The following CLVS1 variants were observed in gnomAD, a reference collection of about 807,000 sequenced individuals.
CLVS1 encodes the protein clavesin 1, also known as clavesin-1.
CLVS1 carries 10 observed loss-of-function variants against 33.1 expected under a neutral mutation model. That is an observed-to-expected ratio of 0.30 (90% CI 0.19 to 0.51). The LOEUF (loss-of-function observed/expected upper bound fraction) is 0.51, where lower values mean the gene tolerates loss of function less well. Ranked by LOEUF, CLVS1 falls within the 20% of genes least tolerant of loss-of-function variation. The pLI, the probability that CLVS1 is intolerant of heterozygous loss-of-function variation, is 0.97. For synonymous variants in CLVS1, 163 were observed against 166.1 expected (o/e 0.98, Z 0.14); for missense variants, 343 against 433.4 (o/e 0.79, Z 1.85).
At chr8:61,067,238 T>C (rs1165996917) in intron 1 of CLVS1, among the ~76,000 whole-genome samples, 1 of 152,138 alleles carries the variant, frequency 6.6e-6, no homozygotes, top group African/African-American at 2.4e-5. Flanking sequence ...AGACTGTTAA[T>C]TCCATAATGG....
chr8:61,356,816 G>A lies in CLVS1; in HGVS notation c.456-19789G>A, dbSNP rs181897621. ...AGTACCATGCTGTTTTGTTACTGTAGCCTTGTAATATAGTTTGAAGTCAGG... is the reference window on the plus strand; with the variant it reads ...AGTACCATGCTGTTTTGTTACTGTAACCTTGTAATATAGTTTGAAGTCAGG... On this transcript the variant is annotated intron_variant, in intron 2 of 5. Transcript: ENST00000325897. 3.3e-5 allele frequency among the ~76,000 whole-genome samples: 5 copies of A among 152,304 alleles called. No individual in the cohort carries two copies. In the East Asian group the frequency reaches 7.7e-4, roughly 24 times the overall value.
At chr8:61,166,031 G>GTTTTTTTTTTTTTTTTTT (rs71245557) in intron 2 of CLVS1, among the ~76,000 whole-genome samples, 11 of 108,372 alleles carry the variant, frequency 1.0e-4, no homozygotes, top group Non-Finnish European at 1.4e-4. Flanking sequence ...GCATCTAAGC[G>GTTTTTTTTTTTTTTTTTT]TTTTTTTTTT....
chr8:61,128,148 T>C (rs181838042), intron 1 of CLVS1, among the ~76,000 whole-genome samples: 1 of 152,374 alleles, frequency 6.6e-6, no homozygotes, highest in East Asian at 1.9e-4. Flanking sequence ...GTTCTTTCTG[T>C]ATGTGACCAT....
At chr8:61,232,041 T>TTTGTTTTTTTTTTTG (rs1554548396) in intron 2 of CLVS1, among the ~76,000 whole-genome samples, 2 of 116,004 alleles carry the variant, frequency 1.7e-5, no homozygotes, top group East Asian at 2.7e-4. Context: ...TTTTTTTTTT[T>TTTGTTTTTTTTTTTG]TTTTTTTTTG....
At chr8:60,991,190 A>T in the CLVS1 span, among the ~76,000 whole-genome samples, 1 of 152,208 alleles carries the variant, frequency 6.6e-6, no homozygotes, top group Non-Finnish European at 1.5e-5. Context: ...AACATGCAAA[A>T]TAGTCAAGAG....
rs560067747 is a variant in CLVS1 at position 61,495,864 on chromosome 8, T to C, written c.978-3591T>C. On this transcript the variant is annotated intron_variant, in intron 5 of 5. Transcript: ENST00000325897. ...GCAACCCAGCTAGTTGATGAAGAGA[T>C]ACAGGATAGTGCTAAGGTGGCCAGT... Among the ~76,000 whole-genome samples, 7 of 152,306 alleles carry C rather than the reference T, an allele frequency of 4.6e-5. No individual in the cohort carries two copies. In the East Asian group the frequency reaches 5.8e-4, roughly 13 times the overall value.
intron 1 of CLVS1, among the ~76,000 whole-genome samples, chr8:61,120,119 C>T (rs1464530834): frequency 2.7e-5 from 4 of 147,770 alleles, no homozygotes; most frequent in African/African-American, 7.6e-5. Flanking sequence ...TCATTTCATT[C>T]ATTTCATCTT....
At chr8:61,107,229 C>G (rs930419721) in intron 1 of CLVS1, among the ~76,000 whole-genome samples, 1 of 152,222 alleles carries the variant, frequency 6.6e-6, no homozygotes, top group Non-Finnish European at 1.5e-5. Flanking sequence ...GAACTCATGT[C>G]TGAAATCTTC....
At chr8:61,065,436 G>C (rs545758492) in intron 1 of CLVS1, among the ~76,000 whole-genome samples, 1 of 152,180 alleles carries the variant, frequency 6.6e-6, no homozygotes, top group African/African-American at 2.4e-5. Context: ...GGATGTATTT[G>C]AGAGGGGCAC....
chr8:61,186,351 A>G (rs144776222), intron 2 of CLVS1, among the ~76,000 whole-genome samples: 1 of 152,314 alleles, frequency 6.6e-6, no homozygotes, highest in East Asian at 1.9e-4. Context: ...TAAAAATGTA[A>G]TGCAGTTGCA....
intron 2 of CLVS1, among the ~76,000 whole-genome samples, chr8:61,165,404 T>G (rs955949848): frequency 2.6e-5 from 4 of 152,224 alleles, no homozygotes; most frequent in African/African-American, 9.6e-5. Flanking sequence ...CCTTGCCAGC[T>G]CGAATGCCTG....
intron 1 of CLVS1, among the ~76,000 whole-genome samples, chr8:61,070,429 C>T (rs753667415): frequency 6.6e-6 from 1 of 152,188 alleles, no homozygotes; most frequent in Non-Finnish European, 1.5e-5. Flanking sequence ...CTAAGGGCAA[C>T]CAGCATTTTG....
intron 2 of CLVS1, among the ~76,000 whole-genome samples, chr8:61,233,890 C>T (rs556297336): frequency 6.6e-6 from 1 of 152,374 alleles, no homozygotes; most frequent in African/African-American, 2.4e-5. Flanking sequence ...GGAATGGGAA[C>T]CCAGCCTCTT....
chr8:61,202,803 T>G (rs1807762212), intron 2 of CLVS1: 2 of 1,384,360 alleles, frequency 1.4e-6, no homozygotes, highest in Admixed American at 1.7e-5. Context: ...GTAGCAAGCT[T>G]CCACAGAAAA....
chr8:61,325,786 G>A (rs536610471), intron 2 of CLVS1, among the ~76,000 whole-genome samples: 3 of 152,110 alleles, frequency 2.0e-5, no homozygotes, highest in Admixed American at 6.6e-5. Flanking sequence ...CTGACTATAT[G>A]AAAGAGTTTT....
chr8:61,196,187 T>C (rs71525442), intron 2 of CLVS1, among the ~76,000 whole-genome samples: 2 of 152,210 alleles, frequency 1.3e-5, no homozygotes, highest in Non-Finnish European at 1.5e-5. Context: ...TGTTAGACCC[T>C]GAGGATAGAG....
At position 61,501,005 on chromosome 8, in the gene CLVS1, C is replaced by CAGA. The variant is rs1415059853; in HGVS notation, c.*1466_*1468dup. The CAGA allele has an allele frequency of 6.6e-5, 10 of 152,138 alleles. No individual in the cohort carries two copies. Among genetic ancestry groups the CAGA allele is most frequent in the African/African-American group, 2.4e-4 (10 of 41,502 alleles). The allele number at this position is 152,138 out of a possible 1,614,324, so 9.4% of individuals were successfully genotyped here. A position where few individuals can be genotyped will look rare whatever the true frequency, so the allele number is the denominator to read the frequency against. The stretch of plus-strand genomic sequence containing the variant: ...TTCCCCTATTGGTAGAGAACAATAA[C>CAGA]AGAAGTAATTTTTATATTATACACT... On this transcript the variant is annotated 3_prime_UTR_variant, in exon 6 of 6. Coordinates refer to ENST00000325897, the MANE Select transcript of CLVS1 (RefSeq NM_173519.3).
chr8:61,410,132 G>A (rs1264201546), intron 3 of CLVS1, among the ~76,000 whole-genome samples: 2 of 133,988 alleles, frequency 1.5e-5, no homozygotes, highest in Non-Finnish European at 3.1e-5. Context: ...GTATTTATCA[G>A]TCTTACATAG....
chr8:61,138,943 G>C (rs900348209), intron 2 of CLVS1, among the ~76,000 whole-genome samples: 20 of 152,262 alleles, frequency 1.3e-4, no homozygotes, highest in African/African-American at 4.8e-4. Context: ...TTCCAAACCA[G>C]ATCTCTTGCA....
Sources: gnomAD v4.1 joint callset for allele counts (sites outside exome capture counted in the v4.1 genomes callset) on GRCh38, gnomAD v4.1.1 for gene constraint, MANE v1.5 for transcripts, NCBI Gene and HGNC (gene_info 2026-07-23, HGNC 2026-07-21) for gene names.